SLC44A3: variants seen among roughly 807,000 people sequenced by gnomAD.
SLC44A3 encodes the protein solute carrier family 44 member 3, also known as choline transporter-like protein 3.
SLC44A3 carries 74 observed loss-of-function variants against 75.4 expected under a neutral mutation model. The ratio of observed to expected loss-of-function variants is 0.98; its 90% confidence interval spans 0.81 to 1.19. SLC44A3 has a LOEUF of 1.19. SLC44A3 is among the 50% of genes most tolerant of loss of function. SLC44A3 has a pLI of 0.00. For synonymous variants in SLC44A3, 310 were observed against 296.9 expected (o/e 1.04, Z -0.45); for missense variants, 700 against 778.6 (o/e 0.90, Z 1.20).
chr1:94,858,065 G>T (rs1666126191), intron 10 of SLC44A3, among the ~76,000 whole-genome samples: 1 of 151,958 alleles, frequency 6.6e-6, no homozygotes, highest in African/African-American at 2.4e-5. Context: ...GCCTGCCTCG[G>T]CCTCCCAAAG....
At chr1:94,859,875 A>G (rs1029362467) in intron 10 of SLC44A3, among the ~76,000 whole-genome samples, 70 of 151,906 alleles carry the variant, frequency 4.6e-4, no homozygotes, top group African/African-American at 1.6e-3. Flanking sequence ...TTTTGTGGAG[A>G]AACTGCCTAA....
At chr1:94,872,334 G>C (rs1667847161) in intron 12 of SLC44A3, among the ~76,000 whole-genome samples, 1 of 152,072 alleles carries the variant, frequency 6.6e-6, no homozygotes, top group African/African-American at 2.4e-5. Flanking sequence ...GACCTCAGGT[G>C]ATCCACCCAC....
intron 4 of SLC44A3, 87 bp from the exon 5 acceptor site, chr1:94,828,406 T>C: frequency 9.1e-7 from 1 of 1,094,360 alleles, no homozygotes; most frequent in South Asian, 1.5e-5. Flanking sequence ...GTTGATTCTT[T>C]CTCCTTTCTG....
chr1:94,855,928 CAT>C (rs1665814609), intron 9 of SLC44A3, among the ~76,000 whole-genome samples: 1 of 152,132 alleles, frequency 6.6e-6, no homozygotes, highest in South Asian at 2.1e-4. Flanking sequence ...TTTTAAAATC[CAT>C]AGTGGGAAAA....
At chr1:94,874,916 G>A (rs1465063774) in intron 12 of SLC44A3, among the ~76,000 whole-genome samples, 1 of 152,210 alleles carries the variant, frequency 6.6e-6, no homozygotes, top group Non-Finnish European at 1.5e-5. Flanking sequence ...ATTGTGAGAT[G>A]TAAGAGTCAA....
intron 5 of SLC44A3, 60 bp downstream of exon 5, chr1:94,828,646 C>T: frequency 1.4e-6 from 2 of 1,426,536 alleles, no homozygotes; most frequent in Non-Finnish European, 2.0e-6. Context: ...ACTTGGTGTG[C>T]ATCTGTTACT....
At chr1:94,833,531 C>A (rs1440787723) in intron 5 of SLC44A3, among the ~76,000 whole-genome samples, 1 of 152,198 alleles carries the variant, frequency 6.6e-6, no homozygotes. Context: ...CAGCCCACAA[C>A]TAGACCCCAG....
rs112727438 is a variant in SLC44A3, at chr1:94,832,224, G to A, written c.509+3638G>A. On this transcript the variant is annotated intron_variant, in intron 5 of 14. Coordinates refer to ENST00000271227, the MANE Select transcript of SLC44A3 (RefSeq NM_001114106.3). ...TGAAATACTCTAAATCTCGAAAGGCGTAGCAGTTACATAGATGTGTATGTT... is the reference window on the plus strand; with the variant it reads ...TGAAATACTCTAAATCTCGAAAGGCATAGCAGTTACATAGATGTGTATGTT... 6.3e-3 allele frequency among the ~76,000 whole-genome samples: 958 copies of A among 152,140 alleles called. 8 individuals are homozygous for A. Among genetic ancestry groups the A allele is most frequent in the African/African-American group, 0.022 (918 of 41,494 alleles).
At chr1:94,859,031 T>C (rs1013363568) in intron 10 of SLC44A3, among the ~76,000 whole-genome samples, 1 of 152,036 alleles carries the variant, frequency 6.6e-6, no homozygotes, top group African/African-American at 2.4e-5. Flanking sequence ...TTCCGGAGCC[T>C]CCATCATTAG....
At chr1:94,820,615 G>C in intron 1 of SLC44A3, 137 bp downstream of exon 1, 2 of 1,367,326 alleles carry the variant, frequency 1.5e-6, no homozygotes, top group South Asian at 3.3e-5. Context: ...AGTACCTTGG[G>C]GCCACCTGGC....
intron 13 of SLC44A3, 148 bp downstream of exon 13, chr1:94,891,415 G>C: frequency 1.2e-6 from 1 of 864,996 alleles, no homozygotes; most frequent in Non-Finnish European, 1.7e-6. Flanking sequence ...AATCCCATGA[G>C]GTATCCCTAC....
intron 10 of SLC44A3, among the ~76,000 whole-genome samples, 195 bp downstream of exon 10, chr1:94,857,695 C>T (rs1666064141): frequency 6.6e-6 from 1 of 151,914 alleles, no homozygotes; most frequent in Non-Finnish European, 1.5e-5. Flanking sequence ...AAATCTGTCA[C>T]ATTTCCAACC....
At position 94,846,719 on chromosome 1, in the gene SLC44A3, C is replaced by T. The variant is rs147683678; in HGVS notation, c.1072+1255C>T. On this transcript the variant is annotated intron_variant, in intron 9 of 14. Coordinates refer to ENST00000271227, the MANE Select transcript of SLC44A3 (RefSeq NM_001114106.3). ...GGCCCAAATTCAGTACACATGGATG[C>T]AAGTACAAAAGAGTAAGTGGCTTCC... is the stretch of plus-strand genomic sequence containing the variant. 1.1e-3 allele frequency among the ~76,000 whole-genome samples: 169 copies of T among 152,336 alleles called. 4 individuals carry two copies. Among genetic ancestry groups the T allele is most frequent in the African/African-American group, 4.0e-3 (166 of 41,564 alleles).
At position 94,864,771 on chromosome 1, in the gene SLC44A3, A is replaced by G. The variant is rs1180546914; in HGVS notation, c.1267A>G (p.Ile423Val). 4 of 1,613,654 alleles carry G rather than the reference A, an allele frequency of 2.5e-6. No homozygotes were observed. In the African/African-American group the frequency reaches 4.0e-5, roughly 16 times the overall value. ...RSKNDPPDHPILSSLSILFFY... is the reference protein window; with the variant it reads ...RSKNDPPDHPVLSSLSILFFY... The stretch of plus-strand genomic sequence containing the variant: ...TAAAAATGATCCTCCTGATCATCCC[A>G]TCCTTTCGTCTCTCTCCATTCTCTT... Residue 423 changes from isoleucine to valine, a missense_variant, in exon 11 of 15, where the codon ATC becomes GTC. Coordinates refer to ENST00000271227, the MANE Select transcript of SLC44A3 (RefSeq NM_001114106.3).
At chr1:94,885,437 G>C (rs115794168) in intron 12 of SLC44A3, among the ~76,000 whole-genome samples, 1 of 152,162 alleles carries the variant, frequency 6.6e-6, no homozygotes, top group Non-Finnish European at 1.5e-5. Flanking sequence ...GACGTGATTT[G>C]GTGGAAGCCG....
At chr1:94,856,237 A>G (rs1665856310) in intron 9 of SLC44A3, among the ~76,000 whole-genome samples, 4 of 152,190 alleles carry the variant, frequency 2.6e-5, no homozygotes, top group Admixed American at 2.6e-4. Flanking sequence ...GCACTATACC[A>G]AGTACTTTCC....
At chr1:94,846,009 TG>T (rs1485438438) in intron 9 of SLC44A3, among the ~76,000 whole-genome samples, 2 of 152,074 alleles carry the variant, frequency 1.3e-5, no homozygotes, top group Non-Finnish European at 2.9e-5. Context: ...TAGCTGGGCG[TG>T]GTGGCGTGCA....
chr1:94,877,424 G>A (rs1259913499), intron 12 of SLC44A3, among the ~76,000 whole-genome samples: 1 of 152,132 alleles, frequency 6.6e-6, no homozygotes, highest in East Asian at 1.9e-4. Flanking sequence ...TTAACTGGGG[G>A]AATGAGCACA....
At chr1:94,845,881 G>C (rs1372868927) in intron 9 of SLC44A3, among the ~76,000 whole-genome samples, 1 of 152,164 alleles carries the variant, frequency 6.6e-6, no homozygotes, top group African/African-American at 2.4e-5. Flanking sequence ...GGGTGCTATG[G>C]CTCATGCCTG....
Sources: gnomAD v4.1 joint callset for allele counts (sites outside exome capture counted in the v4.1 genomes callset) on GRCh38, gnomAD v4.1.1 for gene constraint, MANE v1.5 for transcripts, NCBI Gene and HGNC (gene_info 2026-07-23, HGNC 2026-07-21) for gene names.